The following C19orf47 variants were observed in gnomAD, a reference collection of about 807,000 sequenced individuals.
The protein encoded by C19orf47 is chromosome 19 open reading frame 47, also known as uncharacterized protein C19orf47.
In C19orf47, 18 loss-of-function variants were observed where a neutral mutation model predicts 32.3. The ratio of observed to expected loss-of-function variants is 0.56; its 90% CI spans 0.39 to 0.83. The LOEUF is 0.83. Ranked by LOEUF, C19orf47 falls within the 40% of genes least tolerant of loss-of-function variation. C19orf47 has a pLI of 0.00. For missense variants in C19orf47, 484 were observed against 531.6 expected, an observed-to-expected ratio of 0.91 and a Z score of 0.88; for synonymous variants, 202 against 211.1, an observed-to-expected ratio of 0.96 and a Z score of 0.37.
Position 40,336,183 on chromosome 19 carries a change from A to C in C19orf47, c.149T>G (p.Met50Arg). ...CACCACGGTCACGCCCAGCTCATTC[A>C]TTATCTCCTTATTGAGATCCAGCAG... ...SMLLDLNKEI[M>R]NELGVTVVGD... Residue 50 changes from methionine (M) to arginine (R), a missense_variant, in exon 4 of 9, where the codon ATG (methionine) becomes AGG (arginine). By Grantham distance (91) the Met-to-Arg change is moderately conservative. Transcript: ENST00000683109. The C allele has an allele frequency of 1.2e-6, 2 of 1,614,190 alleles. No homozygotes were observed. Among genetic ancestry groups the C allele is most frequent in the Non-Finnish European group, 1.7e-6 (2 of 1,180,030 alleles).
the C19orf47 span, among the ~76,000 whole-genome samples, chr19:40,301,768 C>A: frequency 6.6e-6 from 1 of 151,454 alleles, no homozygotes; most frequent in Non-Finnish European, 1.5e-5. Flanking sequence ...TCACTCCAAC[C>A]TGGGAGGTGG....
At chr19:40,315,308 C>CT (rs779653303), downstream of C19orf47, among the ~76,000 whole-genome samples, 1 of 152,218 alleles carries the variant, frequency 6.6e-6, no homozygotes, top group Admixed American at 6.5e-5. Flanking sequence ...GTGGGGTATA[C>CT]AGCAGCTCTC....
chr19:40,298,400 T>C, the C19orf47 span, among the ~76,000 whole-genome samples: 1 of 152,006 alleles, frequency 6.6e-6, no homozygotes, highest in Non-Finnish European at 1.5e-5. Flanking sequence ...GGATGGCAGA[T>C]ATTAATTAAA....
intron 1 of C19orf47, among the ~76,000 whole-genome samples, chr19:40,346,000 C>CA (rs1301525328): frequency 6.7e-6 from 1 of 150,326 alleles, no homozygotes; most frequent in African/African-American, 2.5e-5. Flanking sequence ...ACTAAAAATA[C>CA]AAAAAATTAG....
chr19:40,335,988 G>C, intron 4 of C19orf47, 122 bp downstream of exon 4: 1 of 787,480 alleles, frequency 1.3e-6, no homozygotes, highest in South Asian at 1.6e-5. Flanking sequence ...ACAGCAAATG[G>C]CTGAACCAGC....
intron 2 of C19orf47, among the ~76,000 whole-genome samples, chr19:40,338,239 A>T (rs1438083026): frequency 6.8e-6 from 1 of 146,214 alleles, no homozygotes; most frequent in East Asian, 2.0e-4. Context: ...AGGCCAGGCT[A>T]ATTTTTTGTA....
chr19:40,297,424 C>T, the C19orf47 span, among the ~76,000 whole-genome samples: 10 of 152,168 alleles, frequency 6.6e-5, no homozygotes, highest in East Asian at 1.9e-4. Context: ...AAAAGTTAGC[C>T]GGGCGTGGTG....
chr19:40,333,184 G>C (rs934483688), intron 5 of C19orf47, among the ~76,000 whole-genome samples: 3 of 151,884 alleles, frequency 2.0e-5, no homozygotes, highest in Non-Finnish European at 4.4e-5. Context: ...CTTGAACCCG[G>C]GAGGTGGAGG....
At chr19:40,314,069 T>C in the C19orf47 span, among the ~76,000 whole-genome samples, 2 of 152,132 alleles carry the variant, frequency 1.3e-5, no homozygotes, top group African/African-American at 4.8e-5. Flanking sequence ...GCTCCAGGAC[T>C]GGGGCAGGAA....
downstream of C19orf47, among the ~76,000 whole-genome samples, chr19:40,318,550 T>C (rs2077678705): frequency 6.6e-6 from 1 of 152,142 alleles, no homozygotes; most frequent in Admixed American, 6.5e-5. Context: ...AAATTACCTA[T>C]GAAGTAGAAT....
At position 40,321,866 on chromosome 19, in the gene C19orf47, C is replaced by T; in HGVS notation, c.*16G>A. The T allele has an allele frequency of 1.9e-6, 3 of 1,547,462 alleles. No homozygotes were observed. The highest frequency in any genetic ancestry group is 2.6e-6 in the Non-Finnish European group (3 of 1,148,790). On this transcript the variant is annotated 3_prime_UTR_variant, in exon 9 of 9. Transcript: ENST00000683109. ...TGCCCGCAGGCTCTGCTGCCTGCAC[C>T]CCGCCCACAGGTGGGCTAGAAGGTC...
intron 6 of C19orf47, among the ~76,000 whole-genome samples, chr19:40,326,834 G>A (rs761206354): frequency 5.3e-5 from 8 of 152,104 alleles, no homozygotes; most frequent in Non-Finnish European, 8.8e-5. Context: ...AGTGCTTTAT[G>A]GCTGCACTCA....
At chr19:40,335,636 G>A (rs1467827943) in intron 4 of C19orf47, among the ~76,000 whole-genome samples, 2 of 149,068 alleles carry the variant, frequency 1.3e-5, no homozygotes, top group Non-Finnish European at 3.0e-5. Context: ...TCTTGAGAGA[G>A]TCTCGCTCTG....
the C19orf47 span, among the ~76,000 whole-genome samples, chr19:40,311,657 A>G: frequency 2.2e-3 from 330 of 152,074 alleles, 1 homozygote; most frequent in African/African-American, 7.7e-3. Context: ...AGTCCCTCAC[A>G]TGATGCAGTG....
rs1195376890 is a variant in C19orf47, at chr19:40,321,166, G to A, written c.*716C>T. ...CCACCACCCGCCATACACTTTCAGA[G>A]ACAGATGCCCAGGGCAGGAAAACGG... On this transcript the variant is annotated 3_prime_UTR_variant, in exon 9 of 9. Coordinates refer to ENST00000683109, the MANE Select transcript of C19orf47 (RefSeq NM_001256441.2). 2.2e-6 allele frequency: 2 copies of A among 917,698 alleles called. No homozygotes were observed. The highest frequency in any genetic ancestry group is 1.2e-4 in the East Asian group (1 of 8,480). 56.8% of individuals were successfully genotyped at this position (917,698 alleles called of 1,614,324 possible). A position where few individuals can be genotyped will look rare whatever the true frequency, so the allele number is the denominator to read the frequency against.
chr19:40,306,791 ATT>A, the C19orf47 span, among the ~76,000 whole-genome samples: 3 of 140,038 alleles, frequency 2.1e-5, no homozygotes, highest in African/African-American at 2.6e-5. Context: ...TGTCATTAAA[ATT>A]TTTTTTTTTT....
intron 3 of C19orf47, 41 bp from the exon 4 acceptor site, chr19:40,336,265 A>T: frequency 6.2e-7 from 1 of 1,613,672 alleles, no homozygotes; most frequent in Non-Finnish European, 8.5e-7. Flanking sequence ...GGTGGGCCAG[A>T]GTGGGTGGGC....
At chr19:40,335,715 T>C (rs2078050565) in intron 4 of C19orf47, among the ~76,000 whole-genome samples, 1 of 151,902 alleles carries the variant, frequency 6.6e-6, no homozygotes, top group Non-Finnish European at 1.5e-5. Context: ...GTTCACGTCA[T>C]TCTCCTGCCT....
chr19:40,340,659 G>A (rs918006650), intron 2 of C19orf47, among the ~76,000 whole-genome samples: 3 of 143,204 alleles, frequency 2.1e-5, no homozygotes, highest in African/African-American at 7.9e-5. Context: ...CCAGCCTGGC[G>A]ACAGAGCAAG....
Sources: gnomAD v4.1 joint callset for allele counts (sites outside exome capture counted in the v4.1 genomes callset) on GRCh38, gnomAD v4.1.1 for gene constraint, MANE v1.5 for transcripts, NCBI Gene and HGNC (gene_info 2026-07-23, HGNC 2026-07-21) for gene names.